The following TTC39C variants were observed in gnomAD, a reference collection of about 807,000 sequenced individuals.
The protein encoded by TTC39C is tetratricopeptide repeat protein 39C.
TTC39C carries 33 observed loss-of-function variants against 76.3 expected under a neutral mutation model. The observed-to-expected ratio is 0.43, with a 90% CI of 0.33 to 0.58. The LOEUF (loss-of-function observed/expected upper bound fraction) is 0.58, where lower values mean the gene tolerates loss of function less well. Among genes scored for constraint, TTC39C ranks in the 20% least tolerant of loss-of-function variants. TTC39C has a pLI of 0.04. For missense variants in TTC39C, 595 were observed against 701.4 expected, an observed-to-expected ratio of 0.85 and a Z score of 1.71; for synonymous variants, 254 against 260.6, an observed-to-expected ratio of 0.97 and a Z score of 0.24.
At chr18:23,992,906 C>G (rs2083231118) in exon 1 of TTC39C, 2 of 152,262 alleles carry the variant, frequency 1.3e-5, no homozygotes, top group South Asian at 4.1e-4. Flanking sequence ...TCTTGTCCCT[C>G]CTGGAGACCT....
rs1368010085 is a variant in TTC39C at position 24,069,143 on chromosome 18, T to C, written c.346-14T>C. 1.2e-6 allele frequency: 2 copies of C among 1,605,016 alleles called. No homozygotes were observed. The highest frequency in any genetic ancestry group is 1.7e-6 in the Non-Finnish European group (2 of 1,171,758). ...GTGTGATTTATCAGTGTGGACATTCTTTCTGCCAAACAGGTTGATGTCCGA... is the reference window on the plus strand; with the variant it reads ...GTGTGATTTATCAGTGTGGACATTCCTTCTGCCAAACAGGTTGATGTCCGA... On this transcript the variant is annotated splice_polypyrimidine_tract_variant and intron_variant, in intron 3 of 13. Transcript: ENST00000317571.
chr18:24,096,029 G>A (rs762435019), intron 6 of TTC39C, among the ~76,000 whole-genome samples: 2 of 152,182 alleles, frequency 1.3e-5, no homozygotes, highest in Non-Finnish European at 2.9e-5. Flanking sequence ...TGTCTTATGT[G>A]GGCATGGTTT....
In TTC39C at chr18:24,090,572, A is replaced by AT. The variant is rs1051139911; in HGVS notation, c.984+7500dup. 2.0e-3 allele frequency among the ~76,000 whole-genome samples: 296 copies of AT among 150,314 alleles called. 1 individual carries two copies. The highest frequency in any genetic ancestry group is 5.7e-3 in the African/African-American group (235 of 41,064). On this transcript the variant is annotated intron_variant, in intron 6 of 13. Coordinates refer to ENST00000317571, the MANE Select transcript of TTC39C (RefSeq NM_001135993.2). ...GTGTCTGTCACAATCACAGCATTTT[A>AT]TTTTTTTTTGCAGAGATTAACAAAC...
At chr18:24,017,209 A>G (rs1028197591) in intron 1 of TTC39C, among the ~76,000 whole-genome samples, 2 of 152,138 alleles carry the variant, frequency 1.3e-5, no homozygotes, top group African/African-American at 4.8e-5. Context: ...GGTGTGGACA[A>G]TCATTGCGTT....
intron 6 of TTC39C, among the ~76,000 whole-genome samples, chr18:24,083,578 G>T (rs968547976): frequency 3.9e-5 from 6 of 152,030 alleles, no homozygotes; most frequent in African/African-American, 9.7e-5. Flanking sequence ...CTTTATACAC[G>T]CTTTTCCATT....
At position 24,094,666 on chromosome 18, in the gene TTC39C, C is replaced by T. The variant is rs373560537; in HGVS notation, c.984+11585C>T. ...ATCAGAGCTCTTGGGTGGCCACATA[C>T]ATTATCAGTAAGCAGCAATGCTTTG... On this transcript the variant is annotated intron_variant, in intron 6 of 13. Transcript: ENST00000317571. Among the ~76,000 whole-genome samples the T allele has an allele frequency of 1.3e-4, 20 of 152,370 alleles. No individual in the cohort carries two copies. The East Asian group carries it at 2.5e-3, about 19-fold the overall frequency.
chr18:24,074,815 G>C (rs1458985069), intron 4 of TTC39C, among the ~76,000 whole-genome samples: 1 of 152,162 alleles, frequency 6.6e-6, no homozygotes, highest in Non-Finnish European at 1.5e-5. Context: ...ATACCCAGAG[G>C]ATTATAAATC....
At position 24,126,509 on chromosome 18, in the gene TTC39C, C is replaced by G. The variant is rs575613592; in HGVS notation, c.1420+959C>G. The stretch of plus-strand genomic sequence containing the variant: ...TTGCCAATGTTGCTATTCTGGAGAT[C>G]AAAGGAACAAAACTCCGTAAGAAGT... On this transcript the variant is annotated intron_variant, in intron 10 of 13. Transcript: ENST00000317571. Among the ~76,000 whole-genome samples the G allele has an allele frequency of 2.0e-5, 3 of 149,472 alleles. No homozygotes were observed. In the South Asian group the frequency reaches 6.3e-4, roughly 32 times the overall value.
chr18:24,014,330 C>T (rs994124949), upstream of TTC39C: 1 of 152,540 alleles, frequency 6.6e-6, no homozygotes, highest in Non-Finnish European at 1.5e-5. Context: ...CCTTCCACAT[C>T]CGCACGCTCG....
intron 1 of TTC39C, among the ~76,000 whole-genome samples, chr18:24,017,715 A>AC (rs977225865): frequency 6.6e-5 from 10 of 151,852 alleles, no homozygotes; most frequent in Non-Finnish European, 1.2e-4. Flanking sequence ...TTTGAGGAGC[A>AC]CCCCCCTGGC....
intron 4 of TTC39C, among the ~76,000 whole-genome samples, chr18:24,071,661 G>T (rs1035985): frequency 1.3e-5 from 2 of 152,246 alleles, no homozygotes; most frequent in East Asian, 3.8e-4. Context: ...TATCATATGG[G>T]TATGCCCTAA....
chr18:24,063,736 A>G (rs1445755918), intron 1 of TTC39C, among the ~76,000 whole-genome samples: 2 of 152,088 alleles, frequency 1.3e-5, no homozygotes, highest in African/African-American at 2.4e-5. Context: ...CTGGTCTCCA[A>G]CTGCTAATCT....
chr18:24,083,192 A>G, intron 6 of TTC39C, 111 bp downstream of exon 6: 1 of 1,162,496 alleles, frequency 8.6e-7, no homozygotes, highest in South Asian at 2.1e-5. Context: ...GCCCCGGAGC[A>G]TTTTGTTCTT....
intron 1 of TTC39C, among the ~76,000 whole-genome samples, chr18:24,060,827 A>C (rs764589354): frequency 6.6e-6 from 1 of 152,196 alleles, no homozygotes; most frequent in Non-Finnish European, 1.5e-5. Context: ...TATGATTACG[A>C]AAATAGTTAA....
At chr18:24,112,140 T>A (rs1041937977) in intron 6 of TTC39C, among the ~76,000 whole-genome samples, 2 of 152,216 alleles carry the variant, frequency 1.3e-5, no homozygotes, top group African/African-American at 4.8e-5. Flanking sequence ...CAGCCTCTGG[T>A]GGCTGCTGGC....
chr18:24,104,305 G>A (rs1229536619), intron 6 of TTC39C, among the ~76,000 whole-genome samples: 1 of 152,144 alleles, frequency 6.6e-6, no homozygotes, highest in East Asian at 1.9e-4. Flanking sequence ...CAGTCTCCTT[G>A]CCCACCAGCT....
upstream of TTC39C, chr18:24,012,953 A>G (rs1448259215): frequency 6.6e-6 from 1 of 152,160 alleles, no homozygotes; most frequent in African/African-American, 2.4e-5. Context: ...GTGCTGCCTC[A>G]GTGGGGTGCA....
At position 24,080,648 on chromosome 18, in the gene TTC39C, A is replaced by T; in HGVS notation, c.524A>T (p.Asp175Val). The change falls in exon 5 of 14, where the codon GAC (aspartate) becomes GTC (valine). Residue 175 changes from aspartate (D) to valine (V), a missense_variant. Transcript: ENST00000317571. ...AWKIYNKCYL[D>V]INALQELYQK... Reference sequence around the variant, plus strand: ...AAGATTTACAATAAATGCTATCTGGACATCAATGCCCTTCAGGAGCTGTAT... The same window carrying T: ...AAGATTTACAATAAATGCTATCTGGTCATCAATGCCCTTCAGGAGCTGTAT... 6.2e-7 allele frequency: 1 copy of T among 1,614,136 alleles called. No homozygotes were observed. Among genetic ancestry groups the T allele is most frequent in the Non-Finnish European group, 8.5e-7 (1 of 1,180,004 alleles).
At chr18:24,100,421 T>A (rs1383159697) in intron 6 of TTC39C, among the ~76,000 whole-genome samples, 1 of 152,204 alleles carries the variant, frequency 6.6e-6, no homozygotes, top group Non-Finnish European at 1.5e-5. Context: ...TAAGCCTTGC[T>A]TCCCTCCTCA....
Sources: gnomAD v4.1 joint callset for allele counts (sites outside exome capture counted in the v4.1 genomes callset) on GRCh38, gnomAD v4.1.1 for gene constraint, MANE v1.5 for transcripts, NCBI Gene and HGNC (gene_info 2026-07-23, HGNC 2026-07-21) for gene names.